Variants in TP53BP2 observed in about 807,000 individuals in gnomAD.
The protein encoded by TP53BP2 is tumor protein p53 binding protein 2, also known as apoptosis-stimulating of p53 protein 2.
A neutral mutation model predicts 126.2 loss-of-function variants in TP53BP2; 62 were observed. The ratio of observed to expected loss-of-function variants is 0.49; its 90% CI spans 0.40 to 0.61. TP53BP2 has a LOEUF of 0.61. TP53BP2 is among the 20% of genes least tolerant of loss of function. The probability of loss-of-function intolerance (pLI) is 0.00; values close to 1 mark genes in which losing one functional copy is unlikely to be tolerated. For missense variants in TP53BP2, 1,215 were observed against 1,402.8 expected (o/e 0.87, Z 2.14); for synonymous variants, 485 against 502.9 (o/e 0.96, Z 0.48).
At chr1:223,826,734 G>C (rs989006886) in intron 1 of TP53BP2, among the ~76,000 whole-genome samples, 2 of 152,148 alleles carry the variant, frequency 1.3e-5, no homozygotes, top group African/African-American at 4.8e-5. Flanking sequence ...GGAGGATTTT[G>C]AACGGGGTAG....
intron 14 of TP53BP2, 33 bp from the exon 15 acceptor site, chr1:223,792,555 G>T (rs760442964): frequency 1.9e-6 from 3 of 1,610,062 alleles, no homozygotes; most frequent in Non-Finnish European, 8.5e-7. Context: ...CATCACTCTA[G>T]TTTCTTGTCA....
At chr1:223,805,463 C>G (rs1662682426) in intron 5 of TP53BP2, among the ~76,000 whole-genome samples, 2 of 152,154 alleles carry the variant, frequency 1.3e-5, no homozygotes, top group African/African-American at 4.8e-5. Context: ...TCAACACGAT[C>G]CCCAGGTGAT....
chr1:223,784,674 T>C (rs1661889644), intron 16 of TP53BP2, among the ~76,000 whole-genome samples: 1 of 152,208 alleles, frequency 6.6e-6, no homozygotes, highest in Non-Finnish European at 1.5e-5. Flanking sequence ...ACGATATGCC[T>C]GTCCAATTTC....
intron 17 of TP53BP2, among the ~76,000 whole-genome samples, chr1:223,782,471 A>T (rs1047024214): frequency 6.6e-6 from 1 of 152,176 alleles, no homozygotes; most frequent in Non-Finnish European, 1.5e-5. Flanking sequence ...AACAGCCTTT[A>T]TATTTCTACT....
At chr1:223,808,071 T>G in intron 4 of TP53BP2, among the ~76,000 whole-genome samples, 1 of 152,234 alleles carries the variant, frequency 6.6e-6, no homozygotes, top group South Asian at 2.1e-4. Context: ...GACGTCAAAA[T>G]AGACAAGTAG....
intron 13 of TP53BP2, among the ~76,000 whole-genome samples, chr1:223,794,523 A>G (rs192244138): frequency 2.0e-5 from 3 of 152,350 alleles, no homozygotes; most frequent in African/African-American, 7.2e-5. Flanking sequence ...TCCTAGGAAG[A>G]GAACAGCAGA....
intron 1 of TP53BP2, among the ~76,000 whole-genome samples, chr1:223,829,312 C>A (rs1271970913): frequency 6.6e-6 from 1 of 151,850 alleles, no homozygotes; most frequent in Non-Finnish European, 1.5e-5. Context: ...GTCTCAAAAG[C>A]TATATATATA....
At chr1:223,823,476 T>C (rs1663385859) in intron 1 of TP53BP2, among the ~76,000 whole-genome samples, 2 of 152,198 alleles carry the variant, frequency 1.3e-5, no homozygotes, top group South Asian at 4.1e-4. Context: ...AAAATTAAAA[T>C]AGTGAACACT....
intron 1 of TP53BP2, among the ~76,000 whole-genome samples, chr1:223,832,334 A>G (rs1304938724): frequency 3.3e-5 from 5 of 152,238 alleles, no homozygotes; most frequent in African/African-American, 9.6e-5. Flanking sequence ...TGCAACTCAC[A>G]AGAAATACCA....
intron 16 of TP53BP2, among the ~76,000 whole-genome samples, chr1:223,788,534 A>G (rs931374242): frequency 1.5e-4 from 23 of 152,226 alleles, no homozygotes; most frequent in African/African-American, 5.3e-4. Flanking sequence ...CAAGAAAACA[A>G]AAGAGAAAAA....
At chr1:223,819,981 C>T (rs1303620494) in intron 2 of TP53BP2, among the ~76,000 whole-genome samples, 1 of 152,176 alleles carries the variant, frequency 6.6e-6, no homozygotes, top group Non-Finnish European at 1.5e-5. Context: ...TAAACACACA[C>T]AAAGAGTGAC....
At chr1:223,816,407 T>C (rs771491597) in intron 2 of TP53BP2, among the ~76,000 whole-genome samples, 1 of 150,480 alleles carries the variant, frequency 6.6e-6, no homozygotes, top group Non-Finnish European at 1.5e-5. Flanking sequence ...GGAATAAGAA[T>C]TTTTTTTTTA....
intron 1 of TP53BP2, among the ~76,000 whole-genome samples, chr1:223,841,865 T>C (rs1457879107): frequency 1.3e-5 from 2 of 152,026 alleles, no homozygotes; most frequent in Non-Finnish European, 2.9e-5. Context: ...AATTAAACTA[T>C]GATCACTTCA....
At chr1:223,803,587 A>C in intron 6 of TP53BP2, 135 bp from the exon 7 acceptor site, 1 of 658,746 alleles carries the variant, frequency 1.5e-6, no homozygotes, top group Admixed American at 3.6e-5. Flanking sequence ...GAAGCAACCG[A>C]CTTCTTTTAG....
intron 4 of TP53BP2, among the ~76,000 whole-genome samples, chr1:223,810,217 T>C (rs570776859): frequency 2.6e-5 from 4 of 152,242 alleles, no homozygotes; most frequent in Non-Finnish European, 5.9e-5. Context: ...TTATTTTGTC[T>C]GAATTTGTGT....
At chr1:223,827,373 C>T (rs1204743879) in intron 1 of TP53BP2, among the ~76,000 whole-genome samples, 2 of 152,072 alleles carry the variant, frequency 1.3e-5, no homozygotes, top group East Asian at 3.9e-4. Context: ...GCAAAGAAAG[C>T]GTGTGAGGGA....
rs1279398471 is a variant in TP53BP2 at position 223,814,308 on chromosome 1, C to T, written c.221G>A (p.Arg74Gln). The T allele has an allele frequency of 8.1e-6, 13 of 1,613,900 alleles. No individual in the cohort carries two copies. Among genetic ancestry groups the T allele is most frequent in the South Asian group, 4.4e-5 (4 of 91,080 alleles). ...AACTTCGTTCCTCTGACTTCCAAATCGTTGAAGAACATCAAACATTCGCTC... is the reference window on the plus strand; with the variant it reads ...AACTTCGTTCCTCTGACTTCCAAATTGTTGAAGAACATCAAACATTCGCTC... ...DNERMFDVLQ[R>Q]FGSQRNEVRF... is the part of the protein sequence containing the mutation. The change falls in exon 3 of 18, where the codon CGA becomes CAA. Residue 74 changes from arginine to glutamine, a missense_variant. This residue lies in a region of TP53BP2 where 814 missense variants were observed against 853.0 expected (regional missense o/e 0.95). Coordinates refer to ENST00000343537, the MANE Select transcript of TP53BP2 (RefSeq NM_001031685.3).
At chr1:223,788,097 G>A (rs1323369665) in intron 16 of TP53BP2, among the ~76,000 whole-genome samples, 1 of 151,766 alleles carries the variant, frequency 6.6e-6, no homozygotes, top group Non-Finnish European at 1.5e-5. Flanking sequence ...ACAAATATCA[G>A]CAATTAAAAA....
intron 17 of TP53BP2, among the ~76,000 whole-genome samples, chr1:223,783,859 C>T (rs1661857893): frequency 6.6e-6 from 1 of 152,174 alleles, no homozygotes; most frequent in Non-Finnish European, 1.5e-5. Context: ...CAATTCCAAT[C>T]ATATTATCCA....
Sources: allele counts gnomAD v4.1 joint callset (sites outside exome capture counted in the v4.1 genomes callset), GRCh38; gene constraint gnomAD v4.1.1; regional missense constraint gnomAD v4.1.1; transcripts MANE v1.5; gene names NCBI Gene and HGNC (gene_info 2026-07-23, HGNC 2026-07-21).